Variants in KCNIP3 observed in about 807,000 individuals in gnomAD.
The protein encoded by KCNIP3 is potassium voltage-gated channel interacting protein 3, also known as calsenilin.
A neutral mutation model predicts 35.0 loss-of-function variants in KCNIP3; 28 were observed. That is an observed-to-expected ratio of 0.80 (90% CI 0.59 to 1.10). The LOEUF (loss-of-function observed/expected upper bound fraction) is 1.10. KCNIP3 is among the 50% of genes least tolerant of loss of function. The pLI is 0.00. For synonymous variants in KCNIP3, 134 were observed against 133.8 expected, an observed-to-expected ratio of 1.00 and a Z score of -0.01; for missense variants, 295 against 338.4, an observed-to-expected ratio of 0.87 and a Z score of 1.01.
intron 2 of KCNIP3, among the ~76,000 whole-genome samples, chr2:95,341,815 A>G (rs1679201274): frequency 6.6e-6 from 1 of 152,242 alleles, no homozygotes; most frequent in African/African-American, 2.4e-5. Flanking sequence ...ATCAATTATA[A>G]TAAATATTTA....
chr2:95,351,402 G>A (rs1231513421), intron 2 of KCNIP3, among the ~76,000 whole-genome samples: 2 of 152,232 alleles, frequency 1.3e-5, no homozygotes, highest in African/African-American at 2.4e-5. Context: ...ATTGGGGTTG[G>A]GGGAAGTCGC....
At chr2:95,325,947 TCACA>T (rs773382015) in intron 2 of KCNIP3, among the ~76,000 whole-genome samples, 3 of 125,042 alleles carry the variant, frequency 2.4e-5, no homozygotes, top group Admixed American at 7.9e-5. Flanking sequence ...ACATACACAC[TCACA>T]CATACACACA....
chr2:95,346,140 G>A (rs1231927999), intron 2 of KCNIP3, among the ~76,000 whole-genome samples: 1 of 152,222 alleles, frequency 6.6e-6, no homozygotes, highest in Non-Finnish European at 1.5e-5. Context: ...TTTTCAAAGG[G>A]GGCCAGCCTG....
rs76055190 is a variant in KCNIP3 at position 95,321,659 on chromosome 2, C to T, written c.181+11139C>T. Among the ~76,000 whole-genome samples the T allele has an allele frequency of 9.5e-3, 1,443 of 152,250 alleles. 11 individuals carry two copies. Among genetic ancestry groups the T allele is most frequent in the South Asian group, 0.027 (129 of 4,816 alleles). ...CGACAGAGCTGATTTAAGAGAAACACGGGGCTCTTTAGAGAGGGTGGGAAC... is the reference window on the plus strand; with the variant it reads ...CGACAGAGCTGATTTAAGAGAAACATGGGGCTCTTTAGAGAGGGTGGGAAC... On this transcript the variant is annotated intron_variant, in intron 2 of 8. Transcript: ENST00000295225.
intron 2 of KCNIP3, among the ~76,000 whole-genome samples, chr2:95,349,039 C>A (rs1679446223): frequency 1.3e-5 from 2 of 150,580 alleles, no homozygotes; most frequent in Non-Finnish European, 3.0e-5. Context: ...GAGTGGTACT[C>A]ACAATAACAG....
chr2:95,314,238 G>T (rs1012326139), intron 2 of KCNIP3, among the ~76,000 whole-genome samples: 1 of 152,118 alleles, frequency 6.6e-6, no homozygotes, highest in Non-Finnish European at 1.5e-5. Context: ...CAGAATTTTC[G>T]CGTATTTGAA....
rs150071179 is a variant in KCNIP3, at chr2:95,335,099, T to C, written c.181+24579T>C. Among the ~76,000 whole-genome samples, 670 of 152,350 alleles carry C rather than the reference T, an allele frequency of 4.4e-3. 4 individuals are homozygous for C. Among genetic ancestry groups the C allele is most frequent in the Non-Finnish European group, 6.5e-3 (443 of 68,040 alleles). ...TGAGAACCATGGGAACCAGAACTAC[T>C]TAATTAAGAACATGAAATTCCTTTC... On this transcript the variant is annotated intron_variant, in intron 2 of 8. Coordinates refer to ENST00000295225, the MANE Select transcript of KCNIP3 (RefSeq NM_013434.5).
chr2:95,340,338 A>AAAAC (rs3076105), intron 2 of KCNIP3, among the ~76,000 whole-genome samples: 113,517 of 150,666 alleles, frequency 0.75, 43,088 homozygotes, highest in African/African-American at 0.82. Context: ...CTCCATCTCA[A>AAAAC]AAACAAACAA....
rs993231342 is a variant in KCNIP3, at chr2:95,354,475, G to A, written c.182-19821G>A. Among the ~76,000 whole-genome samples the A allele has an allele frequency of 5.3e-5, 8 of 152,274 alleles. No homozygotes were observed. In the South Asian group the frequency reaches 6.2e-4, roughly 12 times the overall value. ...CAGGGAGGGTCCCTCTGGCTGGGGC[G>A]GAGGCAGGGAGACTGGGTTGTGGGT... On this transcript the variant is annotated intron_variant, in intron 2 of 8. Coordinates refer to ENST00000295225, the MANE Select transcript of KCNIP3 (RefSeq NM_013434.5).
At chr2:95,354,197 C>T (rs1679596835) in intron 2 of KCNIP3, among the ~76,000 whole-genome samples, 1 of 152,228 alleles carries the variant, frequency 6.6e-6, no homozygotes, top group South Asian at 2.1e-4. Context: ...TGTTAGATAA[C>T]ACTGCCCTCA....
At chr2:95,381,784 C>T in intron 6 of KCNIP3, 81 bp downstream of exon 6, 3 of 953,330 alleles carry the variant, frequency 3.1e-6, no homozygotes, top group Non-Finnish European at 5.0e-6. Context: ...CCTCTCCCTG[C>T]TCCTGCTGCC....
intron 1 of KCNIP3, among the ~76,000 whole-genome samples, chr2:95,307,345 A>T (rs1026695887): frequency 6.6e-6 from 1 of 152,144 alleles, no homozygotes; most frequent in African/African-American, 2.4e-5. Flanking sequence ...AGACCGCCCC[A>T]GGGACCCAGG....
At chr2:95,339,515 C>T (rs1573499794) in intron 2 of KCNIP3, among the ~76,000 whole-genome samples, 1 of 151,402 alleles carries the variant, frequency 6.6e-6, no homozygotes, top group African/African-American at 2.4e-5. Context: ...ACTCAGGAGG[C>T]GGAGGTCACA....
At chr2:95,315,118 G>C (rs1242066891) in intron 2 of KCNIP3, among the ~76,000 whole-genome samples, 1 of 152,094 alleles carries the variant, frequency 6.6e-6, no homozygotes, top group Non-Finnish European at 1.5e-5. Flanking sequence ...TGGCGTGGAG[G>C]CACCGTGATG....
At chr2:95,379,487 T>C (rs763423948) in intron 5 of KCNIP3, among the ~76,000 whole-genome samples, 1 of 152,130 alleles carries the variant, frequency 6.6e-6, no homozygotes, top group Non-Finnish European at 1.5e-5. Context: ...CTTCCTCCCC[T>C]GTCTGCTGGG....
intron 2 of KCNIP3, among the ~76,000 whole-genome samples, chr2:95,345,227 A>C (rs904064125): frequency 6.6e-6 from 1 of 152,238 alleles, no homozygotes; most frequent in African/African-American, 2.4e-5. Flanking sequence ...GTGTCACGGG[A>C]AAGTCCCCGC....
chr2:95,347,243 C>A, intron 2 of KCNIP3: 1 of 813,694 alleles, frequency 1.2e-6, no homozygotes, highest in Non-Finnish European at 2.0e-6. Context: ...GGCCGCCGCC[C>A]CCTCCCGGCT....
chr2:95,375,987 C>T (rs764335784), intron 5 of KCNIP3, among the ~76,000 whole-genome samples: 6 of 152,330 alleles, frequency 3.9e-5, no homozygotes, highest in South Asian at 4.1e-4. Context: ...CCCGGCCACA[C>T]GGGGTAATAA....
At chr2:95,356,479 T>C (rs1196346388) in intron 2 of KCNIP3, among the ~76,000 whole-genome samples, 2 of 152,246 alleles carry the variant, frequency 1.3e-5, no homozygotes, top group Non-Finnish European at 2.9e-5. Context: ...TTTATGGTTT[T>C]AGGTCTAACA....
Sources: allele counts gnomAD v4.1 joint callset (sites outside exome capture counted in the v4.1 genomes callset), GRCh38; gene constraint gnomAD v4.1.1; transcripts MANE v1.5; gene names NCBI Gene and HGNC (gene_info 2026-07-23, HGNC 2026-07-21).